PCSK5: variants seen among roughly 807,000 people sequenced by gnomAD.
PCSK5 encodes the protein prohormone convertase 5.
In PCSK5, 129 loss-of-function variants were observed where a neutral mutation model predicts 233.2. That is an observed-to-expected ratio of 0.55 (90% CI 0.48 to 0.64). PCSK5 has a LOEUF of 0.64. Ranked by LOEUF, PCSK5 falls within the 30% of genes least tolerant of loss-of-function variation. The probability of loss-of-function intolerance (pLI) is 0.00; values close to 1 mark genes in which losing one functional copy is unlikely to be tolerated. For synonymous variants in PCSK5, 825 were observed against 879.2 expected (o/e 0.94, Z 1.09); for missense variants, 2,076 against 2,430.1 (o/e 0.85, Z 3.06).
intron 12 of PCSK5, among the ~76,000 whole-genome samples, chr9:76,166,636 C>T (rs1427483273): frequency 6.6e-6 from 1 of 152,188 alleles, no homozygotes; most frequent in Non-Finnish European, 1.5e-5. Context: ...AGTGTTCTGT[C>T]TAAACTGTTT....
intron 1 of PCSK5, among the ~76,000 whole-genome samples, chr9:75,916,204 G>T (rs996143964): frequency 7.9e-5 from 12 of 152,182 alleles, no homozygotes; most frequent in African/African-American, 2.7e-4. Flanking sequence ...GAACGAATAT[G>T]TACTTTAGCA....
chr9:76,156,930 A>T, intron 10 of PCSK5, 115 bp from the exon 11 acceptor site: 1 of 709,088 alleles, frequency 1.4e-6, no homozygotes, highest in East Asian at 2.5e-5. Context: ...TTCTCAAATC[A>T]TTGCTGGAAA....
At chr9:76,290,892 C>T (rs1400342170) in intron 24 of PCSK5, among the ~76,000 whole-genome samples, 1 of 152,200 alleles carries the variant, frequency 6.6e-6, no homozygotes, top group Non-Finnish European at 1.5e-5. Flanking sequence ...TGTGACTTTC[C>T]AGAAGTCTTA....
intron 1 of PCSK5, among the ~76,000 whole-genome samples, chr9:75,921,329 C>T (rs1022425154): frequency 6.6e-6 from 1 of 152,094 alleles, no homozygotes; most frequent in African/African-American, 2.4e-5. Context: ...TTAAAGTCCC[C>T]GTATAATTCT....
At chr9:76,311,994 G>A (rs1828877526) in intron 30 of PCSK5, among the ~76,000 whole-genome samples, 1 of 152,138 alleles carries the variant, frequency 6.6e-6, no homozygotes, top group African/African-American at 2.4e-5. Flanking sequence ...ATGCATCACT[G>A]ATACCTCCCT....
chr9:76,056,750 A>C (rs558594920), intron 5 of PCSK5, among the ~76,000 whole-genome samples: 1 of 152,198 alleles, frequency 6.6e-6, no homozygotes, highest in Non-Finnish European at 1.5e-5. Flanking sequence ...TAGGGCTTTG[A>C]CAGTAATGAC....
chr9:75,937,660 A>C (rs900760364), intron 2 of PCSK5, among the ~76,000 whole-genome samples: 3 of 152,216 alleles, frequency 2.0e-5, no homozygotes, highest in African/African-American at 7.2e-5. Flanking sequence ...ATCTTCTTTC[A>C]ACAGAAGGCT....
intron 3 of PCSK5, among the ~76,000 whole-genome samples, chr9:75,988,408 A>C (rs540833853): frequency 7.9e-5 from 12 of 151,838 alleles, no homozygotes; most frequent in African/African-American, 2.9e-4. Context: ...CTGCCTCCCA[A>C]ATAGCTGGGA....
chr9:76,333,720 G>A (rs1829599071), intron 34 of PCSK5, among the ~76,000 whole-genome samples: 1 of 152,064 alleles, frequency 6.6e-6, no homozygotes, highest in Admixed American at 6.6e-5. Flanking sequence ...CCCAAATCAA[G>A]GGCTGTAACC....
chr9:76,121,105 T>G (rs10869700), intron 9 of PCSK5, among the ~76,000 whole-genome samples: 24,320 of 152,140 alleles, frequency 0.16, 2,522 homozygotes, highest in East Asian at 0.36. Flanking sequence ...TATTGATTTC[T>G]TTTTTCTTTT....
chr9:75,912,796 A>G (rs1822805976), intron 1 of PCSK5, among the ~76,000 whole-genome samples: 1 of 152,186 alleles, frequency 6.6e-6, no homozygotes, highest in African/African-American at 2.4e-5. Context: ...AGCTTGCCGT[A>G]GTTTCAGTCA....
intron 1 of PCSK5, 47 bp downstream of exon 1, chr9:75,891,420 G>A: frequency 7.0e-7 from 1 of 1,420,816 alleles, no homozygotes; most frequent in Non-Finnish European, 9.6e-7. Context: ...AAGCCACTGG[G>A]GGCTTCTTGT....
chr9:75,947,079 G>A (rs1824611384), intron 2 of PCSK5, among the ~76,000 whole-genome samples: 1 of 152,124 alleles, frequency 6.6e-6, no homozygotes, highest in African/African-American at 2.4e-5. Flanking sequence ...CCTGCAGTAC[G>A]TGTTTCTTGC....
rs1564007113 is a variant in PCSK5 at position 76,068,002 on chromosome 9, C to G, written c.680C>G (p.Ser227Trp). 6.2e-7 allele frequency: 1 copy of G among 1,613,908 alleles called. No homozygotes were observed. Among genetic ancestry groups the G allele is most frequent in the Admixed American group, 1.7e-5 (1 of 60,006 alleles). The change falls in exon 6 of 38, where the codon TCG becomes TGG. Residue 227 changes from serine (S) to tryptophan (W), a missense_variant. By Grantham distance (177) the Ser-to-Trp change is radical. This residue lies in a region of PCSK5 where 178 missense variants were observed against 393.6 expected (regional missense o/e 0.45). Coordinates refer to ENST00000674117, the MANE Select transcript of PCSK5 (RefSeq NM_001372043.1). The part of the protein sequence containing the change: ...AGEVAAAANN[S>W]HCTVGIAFNA... The stretch of plus-strand genomic sequence containing the variant: ...GAAGTGGCAGCCGCTGCAAACAATT[C>G]GCACTGCACAGTCGGAATTGCTTTC...
intron 20 of PCSK5, among the ~76,000 whole-genome samples, chr9:76,209,745 A>C (rs866928356): frequency 6.6e-6 from 1 of 151,938 alleles, no homozygotes; most frequent in Admixed American, 6.6e-5. Flanking sequence ...CAGAATCACC[A>C]GTTGATATAC....
At chr9:76,239,508 G>C (rs779665309) in intron 23 of PCSK5, among the ~76,000 whole-genome samples, 1 of 151,888 alleles carries the variant, frequency 6.6e-6, no homozygotes, top group Non-Finnish European at 1.5e-5. Context: ...CAGCCTGGGG[G>C]AACACGGTGA....
intron 2 of PCSK5, among the ~76,000 whole-genome samples, chr9:75,936,376 T>C (rs894811262): frequency 6.6e-6 from 1 of 152,254 alleles, no homozygotes; most frequent in Non-Finnish European, 1.5e-5. Context: ...TGCTGTTTGA[T>C]AGCATTTTAC....
intron 20 of PCSK5, among the ~76,000 whole-genome samples, chr9:76,212,844 G>T (rs1241123089): frequency 6.6e-6 from 1 of 152,158 alleles, no homozygotes; most frequent in Admixed American, 6.5e-5. Context: ...TGGAAACGAG[G>T]GTTAGAAAAG....
intron 2 of PCSK5, among the ~76,000 whole-genome samples, chr9:75,943,084 CA>C (rs1824394186): frequency 1.3e-5 from 2 of 151,832 alleles, no homozygotes. Context: ...GGGGTTTCGC[CA>C]TGTTGGCCAG....
Sources: gnomAD v4.1 joint callset for allele counts (sites outside exome capture counted in the v4.1 genomes callset) on GRCh38, gnomAD v4.1.1 for gene constraint, gnomAD v4.1.1 regional missense constraint, MANE v1.5 for transcripts, NCBI Gene and HGNC (gene_info 2026-07-23, HGNC 2026-07-21) for gene names.